WNK2: variants seen among roughly 807,000 people sequenced by gnomAD.
WNK2 encodes WNK lysine deficient protein kinase 2.
In WNK2, 67 loss-of-function variants were observed where a neutral mutation model predicts 192.1. That is an observed-to-expected ratio of 0.35 (90% CI 0.29 to 0.43). The LOEUF (loss-of-function observed/expected upper bound fraction) is 0.43, where lower values mean the gene tolerates loss of function less well. Ranked by LOEUF, WNK2 falls within the 20% of genes least tolerant of loss-of-function variation. The pLI is 1.00. For missense variants in WNK2, 2,698 were observed against 3,089.7 expected (o/e 0.87, Z 3.01); for synonymous variants, 1,439 against 1,393.9 (o/e 1.03, Z -0.72).
At chr9:93,287,709 A>G (rs1476820858) in intron 19 of WNK2, among the ~76,000 whole-genome samples, 1 of 151,958 alleles carries the variant, frequency 6.6e-6, no homozygotes, top group African/African-American at 2.4e-5. Flanking sequence ...CCCCATTCTC[A>G]CCTTTTATTT....
intron 2 of WNK2, among the ~76,000 whole-genome samples, chr9:93,213,073 C>A (rs925299857): frequency 1.3e-5 from 2 of 152,054 alleles, no homozygotes; most frequent in African/African-American, 2.4e-5. Flanking sequence ...GGAGGGGGCA[C>A]CGATTGAGCC....
At chr9:93,294,982 T>C (rs1040785862) in intron 23 of WNK2, among the ~76,000 whole-genome samples, 1 of 152,148 alleles carries the variant, frequency 6.6e-6, no homozygotes, top group Admixed American at 6.5e-5. Flanking sequence ...TCCCCAACCT[T>C]GCTTTCATTT....
chr9:93,188,758 C>T (rs1013277538), intron 2 of WNK2, among the ~76,000 whole-genome samples: 9 of 152,168 alleles, frequency 5.9e-5, no homozygotes, highest in African/African-American at 1.7e-4. Context: ...CTGCCATAGC[C>T]GGCCCAGCTA....
chr9:93,317,927 CCCCCACCG>C (rs1396055100), intron 29 of WNK2: 7 of 1,602,378 alleles, frequency 4.4e-6, no homozygotes, highest in Non-Finnish European at 6.0e-6. Flanking sequence ...CTCCGAGTCC[CCCCCACCG>C]CCTGCTGTGG....
chr9:93,237,736 C>T (rs1564058219), intron 5 of WNK2, among the ~76,000 whole-genome samples: 1 of 152,202 alleles, frequency 6.6e-6, no homozygotes, highest in Non-Finnish European at 1.5e-5. Flanking sequence ...CTGTGAATTG[C>T]CCTGCCTGCA....
At chr9:93,297,358 A>C (rs953583460) in intron 23 of WNK2, among the ~76,000 whole-genome samples, 18 of 152,144 alleles carry the variant, frequency 1.2e-4, no homozygotes, top group African/African-American at 4.3e-4. Context: ...ATGGTGTGGC[A>C]TGGCCCCTGG....
At chr9:93,241,068 G>A (rs747382391) in intron 7 of WNK2, among the ~76,000 whole-genome samples, 5 of 152,230 alleles carry the variant, frequency 3.3e-5, no homozygotes, top group Non-Finnish European at 5.9e-5. Context: ...GGCAGTGGAC[G>A]CCAGAGAGGG....
At chr9:93,278,423 A>G (rs1847262356) in intron 19 of WNK2, among the ~76,000 whole-genome samples, 1 of 152,196 alleles carries the variant, frequency 6.6e-6, no homozygotes, top group Non-Finnish European at 1.5e-5. Context: ...AGGCCTGGGA[A>G]TGTCTGTTCC....
chr9:93,308,409 GCAA>G lies in WNK2; in HGVS notation c.6348_6350del (p.Asn2116del), dbSNP rs759458635. On this transcript the variant is annotated inframe_deletion, in exon 28 of 30. Coordinates refer to ENST00000427277, the MANE Select transcript of WNK2 (RefSeq NM_006648.4). The stretch of plus-strand genomic sequence containing the variant: ...CACGTCCAGGCGCAGGTGAACAACA[GCAA>G]CAACAAGAAGGGTACCTTCACGGAC... 66 of 1,597,270 alleles carry G rather than the reference GCAA, an allele frequency of 4.1e-5. No homozygotes were observed. The highest frequency in any genetic ancestry group is 5.4e-5 in the Non-Finnish European group (63 of 1,172,776).
chr9:93,236,210 A>G (rs1839785921), intron 5 of WNK2, among the ~76,000 whole-genome samples: 1 of 152,008 alleles, frequency 6.6e-6, no homozygotes, highest in Non-Finnish European at 1.5e-5. Context: ...CTGGTGTGGG[A>G]TGGGAGGGCC....
At position 93,259,598 on chromosome 9, in the gene WNK2, C is replaced by G. The variant is rs927253057; in HGVS notation, c.3050C>G (p.Ala1017Gly). The G allele has an allele frequency of 1.9e-6, 3 of 1,589,310 alleles. No homozygotes were observed. The highest frequency in any genetic ancestry group is 2.6e-6 in the Non-Finnish European group (3 of 1,175,192). The change falls in exon 12 of 30, where the codon GCT becomes GGT. Residue 1017 changes from alanine (A) to glycine (G), a missense_variant. Coordinates refer to ENST00000427277, the MANE Select transcript of WNK2 (RefSeq NM_006648.4). The surrounding 1 kb of genome is among the most constrained non-coding windows in gnomAD (Gnocchi z 4.8). ...PHLPEQAAPA[A>G]TPGSQILLGH... ...CTTCCTGAACAAGCTGCTCCAGCTG[C>G]TACACCAGGGAGCCAGGTAATCACC...
chr9:93,277,510 A>G (rs1467763777), intron 19 of WNK2, among the ~76,000 whole-genome samples: 1 of 152,216 alleles, frequency 6.6e-6, no homozygotes, highest in African/African-American at 2.4e-5. Context: ...TACTTTGAAA[A>G]AGAAATATAT....
At position 93,263,856 on chromosome 9, in the gene WNK2, G is replaced by T. The variant is rs1202750064; in HGVS notation, c.3580-61G>T. The T allele has an allele frequency of 2.6e-5, 37 of 1,398,866 alleles. 1 individual carries two copies. The Admixed American group carries it at 7.4e-4, about 28-fold the overall frequency. 86.7% of individuals were successfully genotyped at this position (1,398,866 alleles called of 1,614,324 possible). A position where few individuals can be genotyped will look rare whatever the true frequency, so the allele number is the denominator to read the frequency against. ...GGGGAGGGGTACTTGGGGGTGTGTG[G>T]GGGTGTGGCGGGTGCACGTGTGGGT... On this transcript the variant is annotated intron_variant, in intron 15 of 29. Transcript: ENST00000427277.
intron 7 of WNK2, among the ~76,000 whole-genome samples, chr9:93,244,423 G>T (rs959391818): frequency 1.3e-5 from 2 of 152,202 alleles, no homozygotes; most frequent in Admixed American, 1.3e-4. Context: ...AATGCAATGC[G>T]CCTGTGTGGC....
chr9:93,295,963 TCCATCCTCCCCTCA>T (rs1440754491), intron 23 of WNK2, among the ~76,000 whole-genome samples: 1 of 112,746 alleles, frequency 8.9e-6, no homozygotes, highest in East Asian at 3.2e-4. Context: ...TCCTCCTCTC[TCCATCCTCCCCTCA>T]CCATCCTCCC....
At chr9:93,290,093 C>T in intron 21 of WNK2, 46 bp downstream of exon 21, 2 of 1,524,764 alleles carry the variant, frequency 1.3e-6, no homozygotes, top group Non-Finnish European at 1.8e-6. Context: ...TGCTGCCTGG[C>T]TTCCTTGCCC....
chr9:93,287,571 C>T (rs957323816), intron 19 of WNK2, among the ~76,000 whole-genome samples: 26 of 152,060 alleles, frequency 1.7e-4, no homozygotes, highest in Admixed American at 1.6e-3. Flanking sequence ...GACAGACGAA[C>T]GGTAAGGCCG....
chr9:93,202,915 C>T (rs1406116112), intron 2 of WNK2, among the ~76,000 whole-genome samples: 1 of 152,076 alleles, frequency 6.6e-6, no homozygotes, highest in Non-Finnish European at 1.5e-5. Flanking sequence ...TAGACCTCAC[C>T]CTTTTTCCTG....
chr9:93,299,303 G>A (rs373027210), intron 25 of WNK2, 42 bp downstream of exon 25: 63 of 1,537,102 alleles, frequency 4.1e-5, no homozygotes, highest in Middle Eastern at 1.7e-4. Context: ...TGCTAGCCAC[G>A]TAGGGCCTCA....
Sources: gnomAD v4.1 joint callset for allele counts (sites outside exome capture counted in the v4.1 genomes callset) on GRCh38, gnomAD v4.1.1 for gene constraint, Gnocchi (gnomAD v3.1) non-coding constraint, MANE v1.5 for transcripts, NCBI Gene and HGNC (gene_info 2026-07-23, HGNC 2026-07-21) for gene names.